The following KANSL1L variants were observed in gnomAD, a reference collection of about 807,000 sequenced individuals.
KANSL1L encodes KAT8 regulatory NSL complex subunit 1-like protein.
A neutral mutation model predicts 108.6 loss-of-function variants in KANSL1L; 25 were observed. That is an observed-to-expected ratio of 0.23 (90% CI 0.17 to 0.32). The LOEUF (loss-of-function observed/expected upper bound fraction) is 0.32, where lower values mean the gene tolerates loss of function less well. Among genes scored for constraint, KANSL1L ranks in the 10% least tolerant of loss-of-function variants. The pLI is 1.00. For missense variants in KANSL1L, 1,137 were observed against 1,125.7 expected (o/e 1.01, Z -0.14); for synonymous variants, 405 against 395.1 (o/e 1.03, Z -0.30).
At chr2:210,036,546 A>G (rs1035118445) in intron 8 of KANSL1L, among the ~76,000 whole-genome samples, 1 of 152,136 alleles carries the variant, frequency 6.6e-6, no homozygotes, top group African/African-American at 2.4e-5. Flanking sequence ...TTCCTCCATT[A>G]CATTATAATT....
At chr2:210,143,562 T>C (rs770353540) in intron 2 of KANSL1L, among the ~76,000 whole-genome samples, 17 of 152,162 alleles carry the variant, frequency 1.1e-4, no homozygotes, top group Non-Finnish European at 2.5e-4. Flanking sequence ...CTGTCTTCCT[T>C]TGTGATTTGG....
chr2:210,071,130 C>A (rs913166582), intron 6 of KANSL1L, among the ~76,000 whole-genome samples: 2 of 152,042 alleles, frequency 1.3e-5, no homozygotes, highest in Non-Finnish European at 2.9e-5. Context: ...TGCACTCCAG[C>A]CTGGGCAACA....
Position 210,153,724 on chromosome 2 carries a change from G to A in KANSL1L, c.859C>T (p.Pro287Ser). ...EPTTILGNSL[P>S]KCTEIKPEVN... is the part of the protein sequence containing the mutation. ...TCTGGCTTAATTTCAGTGCATTTAG[G>A]TAAACTATTACCCAAAATTGTGGTA... Residue 287 changes from proline (P) to serine (S), a missense_variant, in exon 2 of 15, where the codon CCT becomes TCT. This residue lies in a region of KANSL1L where 556 missense variants were observed against 537.7 expected (regional missense o/e 1.03). Transcript: ENST00000281772. 1 of 1,605,094 alleles carries A rather than the reference G, an allele frequency of 6.2e-7. No homozygotes were observed. Among genetic ancestry groups the A allele is most frequent in the East Asian group, 2.2e-5 (1 of 44,842 alleles).
intron 6 of KANSL1L, among the ~76,000 whole-genome samples, chr2:210,073,036 A>G (rs536417972): frequency 6.6e-6 from 1 of 152,162 alleles, no homozygotes; most frequent in South Asian, 2.1e-4. Flanking sequence ...TATTTTTTCA[A>G]TGGTTCAATA....
intron 6 of KANSL1L, chr2:210,063,896 G>A (rs913026697): frequency 1.3e-5 from 2 of 152,170 alleles, no homozygotes; most frequent in East Asian, 3.9e-4. Flanking sequence ...AGGCATGATT[G>A]GTTTTGAAAT....
chr2:210,139,183 G>A (rs1057421401), intron 2 of KANSL1L, among the ~76,000 whole-genome samples: 1 of 152,160 alleles, frequency 6.6e-6, no homozygotes, highest in African/African-American at 2.4e-5. Context: ...TGTAAGTTGA[G>A]CCATCATAAG....
chr2:210,029,000 T>A (rs758556646), intron 10 of KANSL1L, 31 bp from the exon 11 acceptor site: 5 of 1,579,792 alleles, frequency 3.2e-6, no homozygotes, highest in Non-Finnish European at 4.3e-6. Context: ...AGATTTACAG[T>A]ACTGTCTAGT....
chr2:210,150,339 A>G (rs2095293818), intron 2 of KANSL1L, among the ~76,000 whole-genome samples: 1 of 152,208 alleles, frequency 6.6e-6, no homozygotes, highest in South Asian at 2.1e-4. Context: ...TAGTAAAAAA[A>G]AATTTTTTTT....
intron 1 of KANSL1L, chr2:210,170,724 G>A (rs1397779476): frequency 2.6e-5 from 4 of 152,234 alleles, no homozygotes; most frequent in African/African-American, 7.2e-5. Flanking sequence ...CAAAAGAGCC[G>A]TCACCACACC....
At chr2:210,139,783 C>T (rs990762744) in intron 2 of KANSL1L, among the ~76,000 whole-genome samples, 3 of 150,316 alleles carry the variant, frequency 2.0e-5, no homozygotes, top group Non-Finnish European at 3.0e-5. Context: ...TTTCTGTCAC[C>T]AAGGCTGGAG....
intron 6 of KANSL1L, among the ~76,000 whole-genome samples, chr2:210,054,140 C>T (rs1477899965): frequency 6.6e-6 from 1 of 151,862 alleles, no homozygotes; most frequent in African/African-American, 2.4e-5. Flanking sequence ...CACGGTGAAA[C>T]CCCATCTCTA....
intron 6 of KANSL1L, among the ~76,000 whole-genome samples, chr2:210,051,284 T>C (rs2094289635): frequency 6.6e-6 from 1 of 152,180 alleles, no homozygotes; most frequent in Non-Finnish European, 1.5e-5. Flanking sequence ...TTTTGAATGT[T>C]AAGTTTCCAA....
chr2:210,145,409 C>T (rs1328393227), intron 2 of KANSL1L, among the ~76,000 whole-genome samples: 2 of 152,190 alleles, frequency 1.3e-5, no homozygotes, highest in African/African-American at 2.4e-5. Context: ...GCAGGTTCCA[C>T]CATTCCCATG....
At chr2:210,074,039 C>T (rs185562592) in intron 6 of KANSL1L, among the ~76,000 whole-genome samples, 16 of 151,990 alleles carry the variant, frequency 1.1e-4, no homozygotes, top group African/African-American at 3.4e-4. Flanking sequence ...TCCAGCTCAG[C>T]AAGGTTAAAA....
intron 1 of KANSL1L, among the ~76,000 whole-genome samples, 195 bp downstream of exon 1, chr2:210,170,954 C>T (rs1484667906): frequency 1.3e-5 from 2 of 150,260 alleles, no homozygotes; most frequent in African/African-American, 2.4e-5. Flanking sequence ...TGCGGTCAGA[C>T]CCCCGCCCTA....
At chr2:210,079,980 T>G (rs2094576676) in intron 5 of KANSL1L, 1 of 151,556 alleles carries the variant, frequency 6.6e-6, no homozygotes, top group African/African-American at 2.4e-5. Flanking sequence ...TTCCCTGGCC[T>G]CCTCCCTAAT....
chr2:210,037,024 G>A (rs1310144683), intron 8 of KANSL1L, among the ~76,000 whole-genome samples: 3 of 152,056 alleles, frequency 2.0e-5, no homozygotes, highest in Admixed American at 6.6e-5. Flanking sequence ...CCTAAGTGCT[G>A]GGATTACAGG....
At chr2:210,100,532 T>C (rs2094783505) in intron 4 of KANSL1L, among the ~76,000 whole-genome samples, 1 of 152,192 alleles carries the variant, frequency 6.6e-6, no homozygotes, top group Non-Finnish European at 1.5e-5. Flanking sequence ...AGCCAAAAGA[T>C]TATGAGTGAA....
chr2:210,152,347 T>C (rs948352154), intron 2 of KANSL1L: 14 of 152,228 alleles, frequency 9.2e-5, no homozygotes, highest in African/African-American at 3.4e-4. Flanking sequence ...CTCATTTCCT[T>C]AGTATCACTG....
Sources: allele counts gnomAD v4.1 joint callset (sites outside exome capture counted in the v4.1 genomes callset), GRCh38; gene constraint gnomAD v4.1.1; regional missense constraint gnomAD v4.1.1; transcripts MANE v1.5; gene names NCBI Gene and HGNC (gene_info 2026-07-23, HGNC 2026-07-21).